Variants in NOS1AP observed in about 807,000 individuals in gnomAD.
The protein encoded by NOS1AP is nitric oxide synthase 1 adaptor protein.
Under a neutral mutation model 56.2 loss-of-function variants are expected in NOS1AP, and 21 were observed. That is an observed-to-expected ratio of 0.37 (90% CI 0.26 to 0.54). The LOEUF is 0.54. Ranked by LOEUF, NOS1AP falls within the 20% of genes least tolerant of loss-of-function variation. The pLI, the probability that NOS1AP is intolerant of heterozygous loss-of-function variation, is 0.84. For synonymous variants in NOS1AP, 270 were observed against 274.6 expected (o/e 0.98, Z 0.17); for missense variants, 522 against 657.8 (o/e 0.79, Z 2.26).
rs112468105 is a variant in NOS1AP, at chr1:162,225,859, C to G, written c.178-61485C>G. On this transcript the variant is annotated intron_variant, in intron 2 of 9. Transcript: ENST00000361897. ...GGCCCTATAGTCACCTCTACTTTAG[C>G]TGCAGAATACTAATAGCTCAAATTA... 2.6e-3 allele frequency among the ~76,000 whole-genome samples: 400 copies of G among 152,308 alleles called. 1 individual carries two copies. Among genetic ancestry groups the G allele is most frequent in the African/African-American group, 9.3e-3 (386 of 41,558 alleles).
chr1:162,202,887 A>C (rs1652041533), intron 2 of NOS1AP, among the ~76,000 whole-genome samples: 1 of 152,214 alleles, frequency 6.6e-6, no homozygotes, highest in South Asian at 2.1e-4. Context: ...GCTTAGCTTC[A>C]GGTATGCTTG....
At chr1:162,173,457 A>G (rs1178438633) in intron 2 of NOS1AP, among the ~76,000 whole-genome samples, 1 of 152,250 alleles carries the variant, frequency 6.6e-6, no homozygotes, top group African/African-American at 2.4e-5. Context: ...ACCTAAAACC[A>G]TAAAAACCCT....
At chr1:162,330,642 C>A (rs1656736102) in intron 4 of NOS1AP, among the ~76,000 whole-genome samples, 1 of 152,074 alleles carries the variant, frequency 6.6e-6, no homozygotes, top group African/African-American at 2.4e-5. Context: ...CAGTAGGAAG[C>A]CTTTGGATGG....
chr1:162,112,560 C>G (rs1647751495), intron 1 of NOS1AP, among the ~76,000 whole-genome samples: 1 of 152,208 alleles, frequency 6.6e-6, no homozygotes, highest in African/African-American at 2.4e-5. Flanking sequence ...TGTTCATTGC[C>G]AGTTCTTTGC....
At chr1:162,353,318 G>A (rs1367015699) in intron 6 of NOS1AP, among the ~76,000 whole-genome samples, 2 of 152,252 alleles carry the variant, frequency 1.3e-5, no homozygotes, top group East Asian at 3.9e-4. Flanking sequence ...CACTTGCATT[G>A]CCTGACATGC....
chr1:162,074,814 C>A (rs138760847), intron 1 of NOS1AP, among the ~76,000 whole-genome samples: 1 of 152,138 alleles, frequency 6.6e-6, no homozygotes, highest in South Asian at 2.1e-4. Flanking sequence ...TATGACTGTG[C>A]CTTGGTCGTC....
intron 2 of NOS1AP, among the ~76,000 whole-genome samples, chr1:162,265,583 T>A (rs915961752): frequency 5.2e-4 from 79 of 152,230 alleles, no homozygotes; most frequent in African/African-American, 1.9e-3. Context: ...GGCTGCATAG[T>A]ATTCTTTATG....
chr1:162,079,024 T>A (rs1219468394), intron 1 of NOS1AP, among the ~76,000 whole-genome samples: 1 of 152,186 alleles, frequency 6.6e-6, no homozygotes, highest in Non-Finnish European at 1.5e-5. Context: ...AGATGATCCC[T>A]ATAAGATGGC....
intron 2 of NOS1AP, among the ~76,000 whole-genome samples, chr1:162,198,823 G>T (rs1651889733): frequency 6.6e-6 from 1 of 152,134 alleles, no homozygotes. Context: ...TAGGAGTGAG[G>T]CTGGAGGACA....
rs925903414 is a variant in NOS1AP, at chr1:162,128,550, T to G, written c.106-25855T>G. Among the ~76,000 whole-genome samples the G allele has an allele frequency of 6.6e-5, 10 of 152,224 alleles. No homozygotes were observed. The East Asian group carries it at 1.9e-3, about 29-fold the overall frequency. ...TATTAAATATTGATAATTTTCTTCA[T>G]CATTATTCAACACACCTTAACAAAA... On this transcript the variant is annotated intron_variant, in intron 1 of 9. Coordinates refer to ENST00000361897, the MANE Select transcript of NOS1AP (RefSeq NM_014697.3).
intron 1 of NOS1AP, among the ~76,000 whole-genome samples, chr1:162,101,848 G>C (rs1486545668): frequency 1.3e-5 from 2 of 152,088 alleles, no homozygotes; most frequent in African/African-American, 4.8e-5. Context: ...GGGCTGAGAT[G>C]ATGGGGTTTT....
In NOS1AP at chr1:162,346,497, A is replaced by G. The variant is rs73029289; in HGVS notation, c.595+2521A>G. Among the ~76,000 whole-genome samples the G allele has an allele frequency of 3.3e-3, 496 of 152,340 alleles. 2 individuals are homozygous for G. The highest frequency in any genetic ancestry group is 0.011 in the African/African-American group (460 of 41,582). On this transcript the variant is annotated intron_variant, in intron 6 of 9. Coordinates refer to ENST00000361897, the MANE Select transcript of NOS1AP (RefSeq NM_014697.3). The stretch of plus-strand genomic sequence containing the variant: ...GTACTACCAATTGTATTAAAAATGT[A>G]TAGATTTAAATGTGTGTGTATATGT...
At chr1:162,081,714 A>T in intron 1 of NOS1AP, among the ~76,000 whole-genome samples, 1 of 141,922 alleles carries the variant, frequency 7.0e-6, no homozygotes. Context: ...TGCCTGGCTA[A>T]GTTTCATATC....
chr1:162,126,694 C>A (rs2102058456), intron 1 of NOS1AP, among the ~76,000 whole-genome samples: 1 of 152,224 alleles, frequency 6.6e-6, no homozygotes, highest in East Asian at 1.9e-4. Context: ...ATATTTGGAC[C>A]ATTTCCAGCC....
chr1:162,231,149 G>T (rs1026373381), intron 2 of NOS1AP, among the ~76,000 whole-genome samples: 4 of 152,122 alleles, frequency 2.6e-5, no homozygotes, highest in African/African-American at 9.7e-5. Flanking sequence ...CCAACACTTG[G>T]TCTTTTCTGA....
At chr1:162,173,458 TA>T (rs1487862996) in intron 2 of NOS1AP, among the ~76,000 whole-genome samples, 1 of 152,076 alleles carries the variant, frequency 6.6e-6, no homozygotes, top group East Asian at 1.9e-4. Flanking sequence ...CCTAAAACCA[TA>T]AAAACCCTAG....
intron 2 of NOS1AP, among the ~76,000 whole-genome samples, chr1:162,177,805 A>G (rs982848380): frequency 5.3e-5 from 8 of 152,164 alleles, no homozygotes; most frequent in African/African-American, 1.9e-4. Context: ...CCACACCAGA[A>G]TGGCACATTG....
intron 2 of NOS1AP, among the ~76,000 whole-genome samples, chr1:162,282,466 T>C (rs1437629093): frequency 1.3e-5 from 2 of 150,998 alleles, no homozygotes; most frequent in African/African-American, 4.9e-5. Flanking sequence ...TTGATAGACA[T>C]TTGGGTTGCT....
intron 1 of NOS1AP, among the ~76,000 whole-genome samples, chr1:162,145,386 C>T (rs1649419109): frequency 6.6e-6 from 1 of 152,020 alleles, no homozygotes; most frequent in African/African-American, 2.4e-5. Context: ...CCTGGAGAGC[C>T]CCGAGCAAGC....
Sources: allele counts gnomAD v4.1 joint callset (sites outside exome capture counted in the v4.1 genomes callset), GRCh38; gene constraint gnomAD v4.1.1; transcripts MANE v1.5; gene names NCBI Gene and HGNC (gene_info 2026-07-23, HGNC 2026-07-21).